Variants in GFPT1 observed in about 807,000 individuals in gnomAD.
GFPT1 encodes glutamine--fructose-6-phosphate transaminase 1.
GFPT1 carries 40 observed loss-of-function variants against 92.0 expected under a neutral mutation model. The ratio of observed to expected loss-of-function variants is 0.43; its 90% CI spans 0.34 to 0.57. The LOEUF (loss-of-function observed/expected upper bound fraction) is 0.57, where lower values mean the gene tolerates loss of function less well. Ranked by LOEUF, GFPT1 falls within the 20% of genes least tolerant of loss-of-function variation. The pLI is 0.02. For missense variants in GFPT1, 448 were observed against 869.1 expected (o/e 0.52, Z 6.09); for synonymous variants, 269 against 280.6 (o/e 0.96, Z 0.41).
At chr2:69,375,782 T>A (rs1208528727) in intron 1 of GFPT1, among the ~76,000 whole-genome samples, 1 of 152,250 alleles carries the variant, frequency 6.6e-6, no homozygotes, top group African/African-American at 2.4e-5. Context: ...AGTTAACTGA[T>A]ATCCCAGAGA....
intron 1 of GFPT1, among the ~76,000 whole-genome samples, chr2:69,376,884 T>C (rs1205633658): frequency 4.6e-5 from 7 of 152,192 alleles, no homozygotes; most frequent in Admixed American, 4.6e-4. Context: ...TAAAATTGTT[T>C]TTAAGACAAT....
At chr2:69,354,391 T>C in intron 8 of GFPT1, 79 bp from the exon 9 acceptor site, 1 of 1,320,824 alleles carries the variant, frequency 7.6e-7, no homozygotes, top group East Asian at 2.3e-5. Context: ...TAGACAGAAC[T>C]ATATATACAT....
intron 15 of GFPT1, among the ~76,000 whole-genome samples, chr2:69,333,411 TAC>T (rs938030052): frequency 1.6e-4 from 24 of 152,226 alleles, no homozygotes; most frequent in African/African-American, 5.8e-4. Context: ...GCATTGCTAT[TAC>T]AGTTTAATTT....
intron 15 of GFPT1, among the ~76,000 whole-genome samples, chr2:69,333,887 G>T (rs561068377): frequency 2.0e-5 from 3 of 152,214 alleles, no homozygotes; most frequent in Non-Finnish European, 4.4e-5. Flanking sequence ...GCTGGGCGCG[G>T]TGGCTTACGC....
intron 12 of GFPT1, 36 bp downstream of exon 12, chr2:69,345,868 G>C: frequency 8.8e-7 from 1 of 1,133,972 alleles, no homozygotes; most frequent in Non-Finnish European, 1.3e-6. Flanking sequence ...TACTGTCAGA[G>C]ACACTGAAAT....
chr2:69,329,622 G>A, intron 16 of GFPT1, 62 bp downstream of exon 16: 1 of 1,145,426 alleles, frequency 8.7e-7, no homozygotes, highest in Non-Finnish European at 1.3e-6. Flanking sequence ...AAGGATAAGA[G>A]AATTTTACCT....
At chr2:69,374,720 T>C (rs749890114) in intron 1 of GFPT1, among the ~76,000 whole-genome samples, 7 of 152,322 alleles carry the variant, frequency 4.6e-5, no homozygotes, top group African/African-American at 1.7e-4. Context: ...ATGTCCTATA[T>C]ACAGAGCATT....
At chr2:69,357,025 G>A (rs113146842) in intron 6 of GFPT1, among the ~76,000 whole-genome samples, 7 of 152,168 alleles carry the variant, frequency 4.6e-5, no homozygotes, top group South Asian at 2.1e-4. Flanking sequence ...GCCACCACGC[G>A]CAGCCAAGAC....
chr2:69,381,263 G>A lies in GFPT1; in HGVS notation c.7+5802C>T, dbSNP rs372382828. On this transcript the variant is annotated intron_variant, in intron 1 of 19. Transcript: ENST00000357308. Reference sequence around the variant, plus strand: ...CTCCCAAAGTGCTGGGATTATAGGCGTGAGCCACTGCGCCTGGCCAGAATT... The same window carrying A: ...CTCCCAAAGTGCTGGGATTATAGGCATGAGCCACTGCGCCTGGCCAGAATT... Among the ~76,000 whole-genome samples the A allele has an allele frequency of 1.2e-4, 18 of 152,236 alleles. No homozygotes were observed. The South Asian group carries it at 3.1e-3, about 26-fold the overall frequency.
At position 69,335,792 on chromosome 2, in the gene GFPT1, A is replaced by G. The variant is rs1027808768; in HGVS notation, c.1482+2106T>C. Among the ~76,000 whole-genome samples, 3 of 152,200 alleles carry G rather than the reference A, an allele frequency of 2.0e-5. No homozygotes were observed. In the East Asian group the frequency reaches 5.8e-4, roughly 29 times the overall value. The stretch of plus-strand genomic sequence containing the variant: ...CCCCAGCACTTTGGGAGGCCAAAGC[A>G]GGCAGATCGTTTGAGCCCAAGAGTT... On this transcript the variant is annotated intron_variant, in intron 15 of 19. Transcript: ENST00000357308.
chr2:69,357,075 T>C (rs532281649), intron 6 of GFPT1, among the ~76,000 whole-genome samples: 18 of 152,254 alleles, frequency 1.2e-4, no homozygotes, highest in Admixed American at 1.1e-3. Flanking sequence ...ATATGCTCAA[T>C]AGATAACAAC....
chr2:69,383,510 T>C (rs1361300712), intron 1 of GFPT1, among the ~76,000 whole-genome samples: 3 of 152,216 alleles, frequency 2.0e-5, no homozygotes, highest in Non-Finnish European at 4.4e-5. Flanking sequence ...ACAGTATAAT[T>C]ACAAAAAACT....
chr2:69,363,494 C>T, intron 4 of GFPT1, 51 bp downstream of exon 4: 3 of 1,558,622 alleles, frequency 1.9e-6, no homozygotes, highest in Non-Finnish European at 2.7e-6. Flanking sequence ...CATTCTGCCC[C>T]CATTATTAGG....
Position 69,352,664 on chromosome 2 carries a change from T to C in GFPT1, c.739+1595A>G, listed in dbSNP as rs1476898888. Among the ~76,000 whole-genome samples, 4 of 147,944 alleles carry C rather than the reference T, an allele frequency of 2.7e-5. No homozygotes were observed. The East Asian group carries it at 8.0e-4, about 29-fold the overall frequency. ...AACTACTTTTGCTTATAAAATGTCC[T>C]AATAGGCTTGAGTTTCACTGTGTTT... On this transcript the variant is annotated intron_variant, in intron 9 of 19. Transcript: ENST00000357308.
intron 3 of GFPT1, among the ~76,000 whole-genome samples, chr2:69,366,181 A>G (rs1671606030): frequency 6.7e-6 from 1 of 148,368 alleles, no homozygotes; most frequent in African/African-American, 2.6e-5. Context: ...GGCAGGCAAT[A>G]CTGGAGAAAG....
intron 15 of GFPT1, among the ~76,000 whole-genome samples, chr2:69,332,766 G>C (rs1351018965): frequency 6.6e-6 from 1 of 151,972 alleles, no homozygotes; most frequent in East Asian, 1.9e-4. Context: ...TTTAGCTTTA[G>C]GAAATTTATG....
chr2:69,348,018 A>G (rs1324548743), intron 11 of GFPT1, among the ~76,000 whole-genome samples, 153 bp downstream of exon 11: 2 of 152,210 alleles, frequency 1.3e-5, no homozygotes, highest in Admixed American at 6.5e-5. Context: ...TAATTTCTCT[A>G]AAGAATCATC....
intron 1 of GFPT1, among the ~76,000 whole-genome samples, chr2:69,385,620 G>A: frequency 6.6e-6 from 1 of 151,744 alleles, no homozygotes; most frequent in Non-Finnish European, 1.5e-5. Flanking sequence ...AGAATGTTGA[G>A]TACTTGATGA....
intron 6 of GFPT1, among the ~76,000 whole-genome samples, chr2:69,357,615 G>A (rs1008129679): frequency 6.6e-6 from 1 of 152,220 alleles, no homozygotes; most frequent in African/African-American, 2.4e-5. Flanking sequence ...TTTGGGTGCA[G>A]GTGGGAGAGA....
Sources: gnomAD v4.1 joint callset for allele counts (sites outside exome capture counted in the v4.1 genomes callset) on GRCh38, gnomAD v4.1.1 for gene constraint, MANE v1.5 for transcripts, NCBI Gene and HGNC (gene_info 2026-07-23, HGNC 2026-07-21) for gene names.